The following DNAH12 variants were observed in gnomAD, a reference collection of about 807,000 sequenced individuals.
DNAH12 encodes dynein axonemal heavy chain 12.
In DNAH12, 285 loss-of-function variants were observed where a neutral mutation model predicts 371.5. The ratio of observed to expected loss-of-function variants is 0.77; its 90% confidence interval spans 0.70 to 0.85. The LOEUF is 0.85. Among genes scored for constraint, DNAH12 ranks in the 40% least tolerant of loss-of-function variants. The pLI, the probability that DNAH12 is intolerant of heterozygous loss-of-function variation, is 0.00. For missense variants in DNAH12, 3,611 were observed against 3,689.4 expected (o/e 0.98, Z 0.55); for synonymous variants, 1,200 against 1,213.0 (o/e 0.99, Z 0.22).
At chr3:57,351,295 A>G (rs1553660125) in intron 60 of DNAH12, among the ~76,000 whole-genome samples, 2 of 148,880 alleles carry the variant, frequency 1.3e-5, no homozygotes, top group Admixed American at 6.7e-5. Flanking sequence ...AACAAACAAA[A>G]AACCAACAAA....
At chr3:57,534,352 T>C (rs548369407) in intron 2 of DNAH12, among the ~76,000 whole-genome samples, 35 of 152,246 alleles carry the variant, frequency 2.3e-4, no homozygotes, top group African/African-American at 8.4e-4. Flanking sequence ...TTGGTTCTTA[T>C]GAAGGTGTTT....
At chr3:57,447,219 C>T (rs2065534114) in intron 25 of DNAH12, among the ~76,000 whole-genome samples, 1 of 152,160 alleles carries the variant, frequency 6.6e-6, no homozygotes, top group Non-Finnish European at 1.5e-5. Flanking sequence ...CTTCTCTTAC[C>T]GGTAGTATCA....
the DNAH12 span, among the ~76,000 whole-genome samples, chr3:57,551,313 C>A: frequency 1.7e-3 from 252 of 147,152 alleles, no homozygotes; most frequent in Middle Eastern, 3.8e-3. Context: ...GCTCTGTCGC[C>A]CAGGTTGGAG....
chr3:57,521,797 G>A (rs1202082715), intron 4 of DNAH12, among the ~76,000 whole-genome samples: 2 of 152,174 alleles, frequency 1.3e-5, no homozygotes, highest in Non-Finnish European at 2.9e-5. Context: ...TGAGGCAGAA[G>A]AATCGCTTGA....
intron 42 of DNAH12, 93 bp from the exon 43 acceptor site, chr3:57,403,594 TGA>T (rs1342138656): frequency 1.7e-6 from 2 of 1,201,492 alleles, no homozygotes; most frequent in Non-Finnish European, 2.3e-6. Flanking sequence ...TAGAAGAATG[TGA>T]CTCTGCTGTC....
chr3:57,470,864 AC>A (rs1192823352), intron 15 of DNAH12, among the ~76,000 whole-genome samples: 2 of 151,988 alleles, frequency 1.3e-5, no homozygotes, highest in African/African-American at 4.8e-5. Flanking sequence ...GGACCACCAC[AC>A]CCACCTAATT....
intron 22 of DNAH12, among the ~76,000 whole-genome samples, chr3:57,456,083 G>A (rs1029879274): frequency 1.3e-5 from 2 of 152,116 alleles, no homozygotes; most frequent in Non-Finnish European, 2.9e-5. Context: ...AAATGCAAAC[G>A]ATAAGCTAAC....
chr3:57,415,367 A>C, intron 38 of DNAH12, 59 bp downstream of exon 38: 1 of 1,522,578 alleles, frequency 6.6e-7, no homozygotes. Context: ...AATTTTAAAC[A>C]CTGAGCAAAT....
chr3:57,398,440 G>A (rs1015893493), intron 43 of DNAH12, among the ~76,000 whole-genome samples: 58 of 152,120 alleles, frequency 3.8e-4, no homozygotes, highest in Non-Finnish European at 7.2e-4. Flanking sequence ...TCCATTTTAT[G>A]GAAGATCAAT....
chr3:57,500,944 A>AAAAACG (rs2067521479), intron 11 of DNAH12, among the ~76,000 whole-genome samples: 1 of 152,088 alleles, frequency 6.6e-6, no homozygotes, highest in Non-Finnish European at 1.5e-5. Context: ...AAACAAAAAC[A>AAAAACG]AAAACAAAAA....
intron 62 of DNAH12, among the ~76,000 whole-genome samples, chr3:57,326,432 AC>A (rs1376176049): frequency 6.6e-6 from 1 of 152,200 alleles, no homozygotes; most frequent in East Asian, 1.9e-4. Context: ...AGAATTTTCA[AC>A]CCAGAATTTC....
chr3:57,513,728 A>AAAT (rs1363726627), intron 4 of DNAH12, among the ~76,000 whole-genome samples: 15 of 152,222 alleles, frequency 9.9e-5, no homozygotes, highest in African/African-American at 3.6e-4. Flanking sequence ...AATTACAGAA[A>AAAT]GCAAATTTAA....
At chr3:57,541,288 C>A (rs2069272052) in intron 2 of DNAH12, among the ~76,000 whole-genome samples, 1 of 152,102 alleles carries the variant, frequency 6.6e-6, no homozygotes, top group Non-Finnish European at 1.5e-5. Flanking sequence ...AACCCATCCA[C>A]CTCAGCCTCC....
intron 19 of DNAH12, 148 bp from the exon 20 acceptor site, chr3:57,459,934 G>A (rs930378346): frequency 2.9e-6 from 2 of 684,168 alleles, no homozygotes; most frequent in African/African-American, 3.7e-5. Flanking sequence ...TCTCACAAAG[G>A]CTTAGAAAAA....
Position 57,454,855 on chromosome 3 carries a change from A to G in DNAH12, c.3376T>C (p.Trp1126Arg). The change falls in exon 23 of 74, where the codon TGG becomes CGG. Residue 1126 changes from tryptophan to arginine, a missense_variant. Trp to Arg is a moderately radical substitution (Grantham distance 101, BLOSUM62 -3). This residue lies in a region of DNAH12 where 1,314 missense variants were observed against 1,398.7 expected (regional missense o/e 0.94). Coordinates refer to ENST00000495027, the MANE Select transcript of DNAH12 (RefSeq NM_001366028.2). ...ESARRDWVREWPGQVVLCISQ... is the reference protein window; with the variant it reads ...ESARRDWVRERPGQVVLCISQ... ...ATACAAAGTACAACTTGGCCAGGCC[A>G]CTCTCGAACCCAGTCTCTTCTTGCA... 1 of 1,551,294 alleles carries G rather than the reference A, an allele frequency of 6.4e-7. No individual in the cohort carries two copies. Among genetic ancestry groups the G allele is most frequent in the Non-Finnish European group, 8.7e-7 (1 of 1,146,762 alleles).
intron 70 of DNAH12, among the ~76,000 whole-genome samples, chr3:57,300,805 AAATAGTTTTGGG>A (rs1575417415): frequency 6.6e-6 from 1 of 152,182 alleles, no homozygotes; most frequent in Non-Finnish European, 1.5e-5. Flanking sequence ...TCCAAAAAAA[AAATAGTTTTGGG>A]ATTCTCCCCA....
chr3:57,334,487 A>G lies in DNAH12; in HGVS notation c.9956T>C (p.Leu3319Pro). ...NLNELQKIII[L>P]RCLRPDKITP... ...TACCTTATCAGGTCTTAAACACCGA[A>G]GAATTATTATTTTCTGTAGTTCATT... The change falls in exon 62 of 74, where the codon CTT becomes CCT. Residue 3319 changes from leucine to proline, a missense_variant. By Grantham distance (98) the Leu-to-Pro change is moderately conservative. Around this residue, in one of 3 missense-constraint regions of DNAH12, gnomAD observed 2,266 missense variants for 2,236.9 expected, o/e 1.01. Transcript: ENST00000495027. 6.5e-7 allele frequency: 1 copy of G among 1,549,288 alleles called. No individual in the cohort carries two copies. The highest frequency in any genetic ancestry group is 8.7e-7 in the Non-Finnish European group (1 of 1,146,542).
At chr3:57,307,716 C>T (rs879877332) in intron 69 of DNAH12, among the ~76,000 whole-genome samples, 1 of 152,186 alleles carries the variant, frequency 6.6e-6, no homozygotes, top group Non-Finnish European at 1.5e-5. Context: ...TTGTTCCTGG[C>T]AGGGACTACA....
chr3:57,463,622 G>C (rs554979984), intron 17 of DNAH12, among the ~76,000 whole-genome samples: 1 of 151,964 alleles, frequency 6.6e-6, no homozygotes, highest in Non-Finnish European at 1.5e-5. Context: ...TAAGGACTTC[G>C]TTTTAACCTT....
Sources: allele counts gnomAD v4.1 joint callset (sites outside exome capture counted in the v4.1 genomes callset), GRCh38; gene constraint gnomAD v4.1.1; regional missense constraint gnomAD v4.1.1; transcripts MANE v1.5; gene names NCBI Gene and HGNC (gene_info 2026-07-23, HGNC 2026-07-21).